EFCAB11: variants seen among roughly 807,000 people sequenced by gnomAD.
EFCAB11 encodes the protein EF-hand calcium-binding domain-containing protein 11.
EFCAB11 carries 14 observed loss-of-function variants against 23.0 expected under a neutral mutation model. The ratio of observed to expected loss-of-function variants is 0.61; its 90% CI spans 0.40 to 0.95. The LOEUF (loss-of-function observed/expected upper bound fraction) is 0.95, where lower values mean the gene tolerates loss of function less well. Ranked by LOEUF, EFCAB11 falls within the 40% of genes least tolerant of loss-of-function variation. EFCAB11 has a pLI of 0.00. For synonymous variants in EFCAB11, 65 were observed against 66.6 expected (o/e 0.98, Z 0.11); for missense variants, 198 against 195.8 (o/e 1.01, Z -0.07).
rs73322605 is a variant in EFCAB11 at position 89,916,542 on chromosome 14, T to C, written c.410+14999A>G. Among the ~76,000 whole-genome samples the C allele has an allele frequency of 6.0e-3, 913 of 152,328 alleles. 6 individuals carry two copies. The highest frequency in any genetic ancestry group is 0.021 in the African/African-American group (856 of 41,586). Reference sequence around the variant, plus strand: ...GCCTAGTAAAGAAGACCATTTGAAATAGGCCCAGAAAAAAGTAAGGGCCAG... The same window carrying C: ...GCCTAGTAAAGAAGACCATTTGAAACAGGCCCAGAAAAAAGTAAGGGCCAG... On this transcript the variant is annotated intron_variant, in intron 5 of 5. Transcript: ENST00000316738.
chr14:89,885,547 G>A (rs1440694978), intron 5 of EFCAB11, among the ~76,000 whole-genome samples: 1 of 151,964 alleles, frequency 6.6e-6, no homozygotes, highest in Non-Finnish European at 1.5e-5. Context: ...GCGTGGTAGC[G>A]TGCGCCTGTA....
At chr14:89,805,142 C>T (rs1465686915) in intron 5 of EFCAB11, among the ~76,000 whole-genome samples, 2 of 152,232 alleles carry the variant, frequency 1.3e-5, no homozygotes, top group Non-Finnish European at 1.5e-5. Flanking sequence ...CTCATTAGCA[C>T]TCGGCTCAGC....
chr14:89,868,204 G>A (rs1888156584), intron 5 of EFCAB11, among the ~76,000 whole-genome samples: 1 of 152,290 alleles, frequency 6.6e-6, no homozygotes, highest in East Asian at 1.9e-4. Context: ...GATTAACAGT[G>A]TGCAATCTCA....
chr14:89,834,038 A>C (rs564433501), intron 5 of EFCAB11, among the ~76,000 whole-genome samples: 65 of 152,264 alleles, frequency 4.3e-4, no homozygotes, highest in African/African-American at 1.2e-3. Context: ...CATCATTTAT[A>C]ATTGGAAATG....
chr14:89,823,643 A>G (rs886791752), intron 5 of EFCAB11, among the ~76,000 whole-genome samples: 1 of 152,226 alleles, frequency 6.6e-6, no homozygotes, highest in Non-Finnish European at 1.5e-5. Flanking sequence ...ATCAGAAACA[A>G]CAAAGCCAAT....
At chr14:89,893,689 T>TC (rs930542112) in intron 5 of EFCAB11, among the ~76,000 whole-genome samples, 4 of 149,974 alleles carry the variant, frequency 2.7e-5, no homozygotes, top group African/African-American at 7.4e-5. Context: ...AGCCAAGTTA[T>TC]CCCCCTGCCC....
intron 5 of EFCAB11, among the ~76,000 whole-genome samples, chr14:89,828,926 T>C (rs1886797255): frequency 6.6e-6 from 1 of 152,230 alleles, no homozygotes; most frequent in Non-Finnish European, 1.5e-5. Context: ...TAGCTCAGCA[T>C]ATCCAGGCAC....
At chr14:89,954,474 C>T in intron 1 of EFCAB11, 112 bp downstream of exon 1, 1 of 1,541,028 alleles carries the variant, frequency 6.5e-7, no homozygotes, top group Non-Finnish European at 8.7e-7. Flanking sequence ...TTTGGACAGG[C>T]AGCCCAGGTC....
At chr14:89,866,169 A>C (rs553128068) in intron 5 of EFCAB11, among the ~76,000 whole-genome samples, 1 of 152,304 alleles carries the variant, frequency 6.6e-6, no homozygotes, top group Non-Finnish European at 1.5e-5. Flanking sequence ...ATGAAGTTCA[A>C]TGATAGGATT....
At chr14:89,811,529 G>T (rs1187671653) in intron 5 of EFCAB11, among the ~76,000 whole-genome samples, 8 of 152,166 alleles carry the variant, frequency 5.3e-5, no homozygotes, top group Non-Finnish European at 8.8e-5. Context: ...ATTATCCTAG[G>T]TTATCAAGGT....
chr14:89,941,719 G>GT (rs1890802012), intron 3 of EFCAB11, among the ~76,000 whole-genome samples: 2 of 151,386 alleles, frequency 1.3e-5, no homozygotes, highest in Non-Finnish European at 2.9e-5. Context: ...AATGGCCAGA[G>GT]TTTTTTAACT....
chr14:89,891,686 AAC>A lies in EFCAB11; in HGVS notation c.410+39853_410+39854del, dbSNP rs148132532. Among the ~76,000 whole-genome samples the A allele has an allele frequency of 9.8e-4, 148 of 150,392 alleles. 2 individuals carry two copies. The highest frequency in any genetic ancestry group is 9.7e-3 in the East Asian group (50 of 5,166). On this transcript the variant is annotated intron_variant, in intron 5 of 5. Transcript: ENST00000316738. ...AAATTACAGCTCCATTTTAGACACA[AAC>A]ACACACACACACACGCACGCGCACA...
In EFCAB11 at chr14:89,897,981, C is replaced by T. The variant is rs544202405; in HGVS notation, c.410+33560G>A. ...CAGTACTAAGAAACTGAAAAGATGTCATCAACAAAAAGCTAAAAGCACTGA... is the reference window on the plus strand; with the variant it reads ...CAGTACTAAGAAACTGAAAAGATGTTATCAACAAAAAGCTAAAAGCACTGA... On this transcript the variant is annotated intron_variant, in intron 5 of 5. Coordinates refer to ENST00000316738, the MANE Select transcript of EFCAB11 (RefSeq NM_145231.4). Among the ~76,000 whole-genome samples the T allele has an allele frequency of 2.0e-5, 3 of 152,234 alleles. No homozygotes were observed. In the South Asian group the frequency reaches 6.2e-4, roughly 32 times the overall value.
chr14:89,945,498 G>T (rs1890949147), intron 3 of EFCAB11, among the ~76,000 whole-genome samples: 1 of 152,084 alleles, frequency 6.6e-6, no homozygotes, highest in African/African-American at 2.4e-5. Flanking sequence ...TTAGAAGTGT[G>T]CTATTTGTTT....
At chr14:89,837,012 A>G in intron 5 of EFCAB11, 1 of 455,738 alleles carries the variant, frequency 2.2e-6, no homozygotes, top group Non-Finnish European at 4.4e-6. Context: ...ACAGAGCGAT[A>G]CACTTGCCTG....
intron 5 of EFCAB11, among the ~76,000 whole-genome samples, chr14:89,834,398 A>C (rs1815432): frequency 0.1 from 15,216 of 145,220 alleles, 1,027 homozygotes; most frequent in Middle Eastern, 0.13. Context: ...AAAAAAAAAA[A>C]AAAAACCTTT....
chr14:89,846,117 A>G (rs186944706), intron 5 of EFCAB11, among the ~76,000 whole-genome samples: 93 of 152,352 alleles, frequency 6.1e-4, no homozygotes, highest in African/African-American at 2.0e-3. Context: ...ATAAGTGTAT[A>G]AAGAGATAAT....
In EFCAB11 at chr14:89,887,985, A is replaced by G. The variant is rs551113646; in HGVS notation, c.410+43556T>C. ...AGGCAAGCTCTTAGTTATCAGCTATATCCCAGATGGCCCTCTAGCAGCATT... is the reference window on the plus strand; with the variant it reads ...AGGCAAGCTCTTAGTTATCAGCTATGTCCCAGATGGCCCTCTAGCAGCATT... On this transcript the variant is annotated intron_variant, in intron 5 of 5. Coordinates refer to ENST00000316738, the MANE Select transcript of EFCAB11 (RefSeq NM_145231.4). Among the ~76,000 whole-genome samples, 20 of 152,358 alleles carry G rather than the reference A, an allele frequency of 1.3e-4. No individual in the cohort carries two copies. In the South Asian group the frequency reaches 3.9e-3, roughly 30 times the overall value.
chr14:89,845,162 T>C (rs147797278), intron 5 of EFCAB11, among the ~76,000 whole-genome samples: 1 of 152,310 alleles, frequency 6.6e-6, no homozygotes, highest in East Asian at 1.9e-4. Flanking sequence ...ATACCTAACA[T>C]ATTACAGTTT....
Sources: gnomAD v4.1 joint callset for allele counts (sites outside exome capture counted in the v4.1 genomes callset) on GRCh38, gnomAD v4.1.1 for gene constraint, MANE v1.5 for transcripts, NCBI Gene and HGNC (gene_info 2026-07-23, HGNC 2026-07-21) for gene names.